AIG1: variants seen among roughly 807,000 people sequenced by gnomAD.
AIG1 encodes the protein androgen-induced gene 1 protein.
In AIG1, 23 loss-of-function variants were observed where a neutral mutation model predicts 31.4. The ratio of observed to expected loss-of-function variants is 0.73; its 90% confidence interval spans 0.53 to 1.04. The LOEUF (loss-of-function observed/expected upper bound fraction) is 1.04, where lower values mean the gene tolerates loss of function less well. Ranked by LOEUF, AIG1 falls within the 50% of genes least tolerant of loss-of-function variation. The pLI is 0.00. For synonymous variants in AIG1, 100 were observed against 110.5 expected (o/e 0.90, Z 0.60); for missense variants, 274 against 295.0 (o/e 0.93, Z 0.52).
intron 2 of AIG1, among the ~76,000 whole-genome samples, chr6:143,154,770 C>T (rs530365389): frequency 6.6e-6 from 1 of 151,814 alleles, no homozygotes; most frequent in South Asian, 2.1e-4. Context: ...GAAGGATACA[C>T]AGGAACACTG....
intron 2 of AIG1, among the ~76,000 whole-genome samples, chr6:143,152,220 T>C (rs1192738508): frequency 1.3e-5 from 2 of 152,220 alleles, no homozygotes; most frequent in Non-Finnish European, 2.9e-5. Context: ...GATTTATTAA[T>C]TAACTTTTAC....
intron 3 of AIG1, among the ~76,000 whole-genome samples, chr6:143,266,140 G>A (rs1796135556): frequency 6.6e-6 from 1 of 152,066 alleles, no homozygotes; most frequent in Non-Finnish European, 1.5e-5. Flanking sequence ...ACGAGGTCAG[G>A]AGTTCAAGAC....
intron 1 of AIG1, among the ~76,000 whole-genome samples, chr6:143,066,115 C>T (rs1298545059): frequency 2.0e-5 from 3 of 152,116 alleles, no homozygotes; most frequent in Non-Finnish European, 4.4e-5. Flanking sequence ...CAGCTCCACC[C>T]CAGAGCTTCT....
At chr6:143,260,552 G>A (rs894442921) in intron 3 of AIG1, among the ~76,000 whole-genome samples, 3 of 152,140 alleles carry the variant, frequency 2.0e-5, no homozygotes, top group Non-Finnish European at 2.9e-5. Flanking sequence ...TGCTGTGGTC[G>A]CAAGAAAGAA....
chr6:143,267,380 T>C (rs955840808), intron 3 of AIG1, among the ~76,000 whole-genome samples: 3 of 152,210 alleles, frequency 2.0e-5, no homozygotes, highest in Non-Finnish European at 2.9e-5. Flanking sequence ...TTACTTTTAG[T>C]GTGTTCTACT....
intron 3 of AIG1, among the ~76,000 whole-genome samples, chr6:143,194,331 C>T (rs1562479161): frequency 6.6e-6 from 1 of 152,180 alleles, no homozygotes; most frequent in Non-Finnish European, 1.5e-5. Flanking sequence ...CTCACTATCA[C>T]GAGAATAGCA....
intron 3 of AIG1, among the ~76,000 whole-genome samples, chr6:143,211,625 G>A (rs560211914): frequency 6.6e-6 from 1 of 152,290 alleles, no homozygotes; most frequent in Admixed American, 6.5e-5. Context: ...AGGTGTGGTG[G>A]CTCATGCCTG....
intron 3 of AIG1, among the ~76,000 whole-genome samples, chr6:143,180,059 G>A (rs1164334606): frequency 6.6e-6 from 1 of 152,212 alleles, no homozygotes; most frequent in East Asian, 1.9e-4. Flanking sequence ...TCTGTCCTCA[G>A]TCCACTGATG....
chr6:143,134,396 C>CTT lies in AIG1; in HGVS notation c.142-2423_142-2422dup, dbSNP rs61322198. On this transcript the variant is annotated intron_variant, in intron 1 of 5. Coordinates refer to ENST00000357847, the MANE Select transcript of AIG1 (RefSeq NM_016108.4). ...ATTGTCAGAATTCTTTCCTGGTTTC[C>CTT]TTTTTTTTTTTTTTTTTGGTTTAAC... is the stretch of plus-strand genomic sequence containing the variant. Among the ~76,000 whole-genome samples, 808 of 111,354 alleles carry CTT rather than the reference C, an allele frequency of 7.3e-3. 6 individuals carry two copies. Among genetic ancestry groups the CTT allele is most frequent in the African/African-American group, 0.023 (695 of 30,606 alleles). The allele number at this position is 111,354 out of a possible 152,430, so 73.1% of individuals were successfully genotyped here. A position where few individuals can be genotyped will look rare whatever the true frequency, so the allele number is the denominator to read the frequency against.
intron 3 of AIG1, among the ~76,000 whole-genome samples, chr6:143,259,885 A>G (rs1479838268): frequency 6.6e-6 from 1 of 152,160 alleles, no homozygotes. Context: ...GAGTTGCCTA[A>G]AAGTTTTAGT....
At chr6:143,287,158 C>T (rs959806772) in intron 4 of AIG1, among the ~76,000 whole-genome samples, 25 of 151,932 alleles carry the variant, frequency 1.6e-4, no homozygotes, top group African/African-American at 5.6e-4. Context: ...CTCTGCACCC[C>T]GTTTGTGAGA....
intron 3 of AIG1, among the ~76,000 whole-genome samples, chr6:143,167,922 G>C (rs964802655): frequency 5.9e-5 from 9 of 152,116 alleles, no homozygotes; most frequent in African/African-American, 1.9e-4. Flanking sequence ...AGTTGCGCAT[G>C]GTGGCTGATG....
chr6:143,274,367 A>G (rs1025515072), intron 3 of AIG1, among the ~76,000 whole-genome samples: 2 of 152,242 alleles, frequency 1.3e-5, no homozygotes, highest in Non-Finnish European at 2.9e-5. Context: ...AATGGAATTG[A>G]TGATGATAAT....
chr6:143,140,507 G>A lies in AIG1; in HGVS notation c.297+3517G>A, dbSNP rs183530017. ...ACTGCTCAAAAGGGTCTAGAATCCT[G>A]CTGTAGTTTCATTCTTATGACTTAG... On this transcript the variant is annotated intron_variant, in intron 2 of 5. Coordinates refer to ENST00000357847, the MANE Select transcript of AIG1 (RefSeq NM_016108.4). 2.3e-4 allele frequency among the ~76,000 whole-genome samples: 35 copies of A among 152,182 alleles called. No individual in the cohort carries two copies. In the East Asian group the frequency reaches 6.6e-3, roughly 29 times the overall value.
chr6:143,073,268 C>T (rs546277805), intron 1 of AIG1, among the ~76,000 whole-genome samples: 212 of 152,168 alleles, frequency 1.4e-3, no homozygotes, highest in African/African-American at 4.9e-3. Context: ...GTCCATTTGT[C>T]TATCAACAGA....
intron 3 of AIG1, among the ~76,000 whole-genome samples, chr6:143,252,993 C>T (rs1014621196): frequency 1.3e-5 from 2 of 152,158 alleles, no homozygotes; most frequent in East Asian, 1.9e-4. Flanking sequence ...TGTCGGCCTC[C>T]CCACATGGCT....
At chr6:143,155,419 A>G (rs1488376813) in intron 2 of AIG1, among the ~76,000 whole-genome samples, 1 of 151,934 alleles carries the variant, frequency 6.6e-6, no homozygotes, top group Non-Finnish European at 1.5e-5. Flanking sequence ...TCCCATTTCT[A>G]TGGTCGGGTG....
At chr6:143,122,703 A>C (rs1462981379) in intron 1 of AIG1, among the ~76,000 whole-genome samples, 1 of 152,074 alleles carries the variant, frequency 6.6e-6, no homozygotes. Flanking sequence ...TATCTCCTCA[A>C]ATCCACTGAG....
chr6:143,310,285 A>G (rs956307263), intron 4 of AIG1, among the ~76,000 whole-genome samples: 6 of 152,028 alleles, frequency 3.9e-5, no homozygotes, highest in Non-Finnish European at 3.0e-5. Flanking sequence ...TAGAAATCAT[A>G]CCAAGTATGT....
Sources: gnomAD v4.1 joint callset for allele counts (sites outside exome capture counted in the v4.1 genomes callset) on GRCh38, gnomAD v4.1.1 for gene constraint, MANE v1.5 for transcripts, NCBI Gene and HGNC (gene_info 2026-07-23, HGNC 2026-07-21) for gene names.